DCAF1: variants seen among roughly 807,000 people sequenced by gnomAD.
DCAF1 encodes the protein DDB1- and CUL4-associated factor 1.
In DCAF1, 15 loss-of-function variants were observed where a neutral mutation model predicts 128.0. The ratio of observed to expected loss-of-function variants is 0.12; its 90% CI spans 0.08 to 0.18. DCAF1 has a LOEUF of 0.18. Among genes scored for constraint, DCAF1 ranks in the 10% least tolerant of loss-of-function variants. The probability of loss-of-function intolerance (pLI) is 1.00; values close to 1 mark genes in which losing one functional copy is unlikely to be tolerated. For missense variants in DCAF1, 988 were observed against 1,649.5 expected (o/e 0.60, Z 6.95); for synonymous variants, 610 against 603.0 (o/e 1.01, Z -0.17).
At chr3:51,497,847 G>A (rs571005200) in intron 1 of DCAF1, among the ~76,000 whole-genome samples, 15 of 151,820 alleles carry the variant, frequency 9.9e-5, no homozygotes, top group Admixed American at 2.6e-4. Flanking sequence ...GATGACACTC[G>A]AGACCATCAT....
chr3:51,416,263 G>A (rs1356694312), intron 18 of DCAF1, among the ~76,000 whole-genome samples: 2 of 152,094 alleles, frequency 1.3e-5, no homozygotes, highest in South Asian at 4.1e-4. Context: ...CCCAAGCAAG[G>A]GCTTTTCCCT....
chr3:51,474,210 G>C (rs776422780), intron 3 of DCAF1, among the ~76,000 whole-genome samples: 1 of 152,160 alleles, frequency 6.6e-6, no homozygotes, highest in Non-Finnish European at 1.5e-5. Flanking sequence ...CCTGAGGTTG[G>C]GAGTTCGAAA....
chr3:51,452,945 G>T (rs1553641838), intron 6 of DCAF1, among the ~76,000 whole-genome samples: 1 of 150,300 alleles, frequency 6.7e-6, no homozygotes, highest in African/African-American at 2.5e-5. Context: ...GAACCCAGGA[G>T]GTGGAGGTTG....
intron 2 of DCAF1, among the ~76,000 whole-genome samples, chr3:51,490,163 C>T (rs1200766871): frequency 6.6e-6 from 1 of 152,134 alleles, no homozygotes; most frequent in Non-Finnish European, 1.5e-5. Context: ...ACCTGTTAAT[C>T]CCAGAACTTT....
chr3:51,458,880 A>G (rs566127189), intron 6 of DCAF1, among the ~76,000 whole-genome samples: 2 of 152,114 alleles, frequency 1.3e-5, no homozygotes, highest in Non-Finnish European at 2.9e-5. Flanking sequence ...AACAAAGACA[A>G]AACATACCAG....
chr3:51,412,336 A>G (rs782414969), intron 23 of DCAF1, 43 bp downstream of exon 23: 1 of 1,612,494 alleles, frequency 6.2e-7, no homozygotes, highest in East Asian at 2.2e-5. Context: ...CATAACCTCT[A>G]TTAAGCACTG....
chr3:51,483,665 T>G, intron 3 of DCAF1, 54 bp downstream of exon 3: 29 of 1,094,912 alleles, frequency 2.6e-5, no homozygotes, highest in Non-Finnish European at 3.7e-5. Context: ...ATCTAGCGTA[T>G]GAGTTGTGTC....
intron 6 of DCAF1, among the ~76,000 whole-genome samples, chr3:51,462,496 A>G (rs1476116474): frequency 1.3e-5 from 2 of 152,188 alleles, no homozygotes; most frequent in Non-Finnish European, 2.9e-5. Context: ...CTGTAATGCC[A>G]GCACTTTGGG....
At chr3:51,424,205 G>A (rs1339565570) in intron 13 of DCAF1, among the ~76,000 whole-genome samples, 1 of 152,002 alleles carries the variant, frequency 6.6e-6, no homozygotes, top group East Asian at 1.9e-4. Flanking sequence ...TTCAAGACCA[G>A]CCTGGCCAAT....
In DCAF1 at chr3:51,414,949, AACAC is replaced by A. The variant is rs1399485386; in HGVS notation, c.3604-96_3604-93del. 2.7e-6 allele frequency: 4 copies of A among 1,477,620 alleles called. No individual in the cohort carries two copies. The African/African-American group carries it at 5.6e-5, about 21-fold the overall frequency. The allele number at this position is 1,477,620 out of a possible 1,614,324, so 91.5% of individuals were successfully genotyped here. A position where few individuals can be genotyped will look rare whatever the true frequency, so the allele number is the denominator to read the frequency against. On this transcript the variant is annotated intron_variant, in intron 18 of 24. Transcript: ENST00000684031. ...AATGTGCAAAGCAGTTTCTAAAATT[AACAC>A]ACAAATTCTCCACATGGATCAATGA...
chr3:51,494,406 G>A (rs888142581), intron 2 of DCAF1, among the ~76,000 whole-genome samples: 23 of 151,974 alleles, frequency 1.5e-4, no homozygotes, highest in South Asian at 4.1e-4. Context: ...GAGCCACCGC[G>A]CCCGGCCGAG....
At chr3:51,496,274 A>C (rs1260504370) in intron 2 of DCAF1, among the ~76,000 whole-genome samples, 2 of 152,142 alleles carry the variant, frequency 1.3e-5, no homozygotes, top group Non-Finnish European at 2.9e-5. Context: ...AAATACCAAC[A>C]AAATTAGCCA....
chr3:51,491,040 G>GAAAAAAA (rs56102341), intron 2 of DCAF1, among the ~76,000 whole-genome samples: 1 of 128,282 alleles, frequency 7.8e-6, no homozygotes. Context: ...AACAATCTTG[G>GAAAAAAA]AAAAAAAAAA....
chr3:51,481,114 T>A (rs1418087064), intron 3 of DCAF1, among the ~76,000 whole-genome samples: 4 of 152,170 alleles, frequency 2.6e-5, no homozygotes, highest in African/African-American at 9.6e-5. Flanking sequence ...TGAAAACAAC[T>A]TTTTATGCAT....
chr3:51,457,791 G>A (rs1703085824), intron 6 of DCAF1, among the ~76,000 whole-genome samples: 1 of 152,268 alleles, frequency 6.6e-6, no homozygotes, highest in South Asian at 2.1e-4. Context: ...TTTCAACCCA[G>A]AATCTCATAT....
Position 51,491,306 on chromosome 3 carries a change from C to A in DCAF1, c.-9+5428G>T, listed in dbSNP as rs187154406. On this transcript the variant is annotated intron_variant, in intron 2 of 24. Transcript: ENST00000684031. ...GAGGCTGCAGTGAGCCAAGATTGCGCCACTGCACTCCAGCAAGGCAACAGA... is the reference window on the plus strand; with the variant it reads ...GAGGCTGCAGTGAGCCAAGATTGCGACACTGCACTCCAGCAAGGCAACAGA... 3.9e-3 allele frequency among the ~76,000 whole-genome samples: 595 copies of A among 151,266 alleles called. 19 individuals are homozygous for A. Among genetic ancestry groups the A allele is most frequent in the Admixed American group, 0.035 (527 of 15,158 alleles).
At chr3:51,432,736 G>C (rs1287783743) in intron 10 of DCAF1, among the ~76,000 whole-genome samples, 1 of 152,170 alleles carries the variant, frequency 6.6e-6, no homozygotes, top group African/African-American at 2.4e-5. Flanking sequence ...TGTGATTACA[G>C]GCGTGAGCCA....
intron 5 of DCAF1, 55 bp downstream of exon 5, chr3:51,466,748 A>C: frequency 6.4e-7 from 1 of 1,566,166 alleles, no homozygotes; most frequent in Non-Finnish European, 8.8e-7. Context: ...AAAAACAATA[A>C]AGATACAGCA....
intron 8 of DCAF1, 49 bp from the exon 9 acceptor site, chr3:51,441,120 G>A (rs781862236): frequency 8.7e-6 from 13 of 1,493,188 alleles, no homozygotes; most frequent in African/African-American, 2.8e-5. Flanking sequence ...TTATTGTCAT[G>A]TATTTCCTAT....
Sources: gnomAD v4.1 joint callset for allele counts (sites outside exome capture counted in the v4.1 genomes callset) on GRCh38, gnomAD v4.1.1 for gene constraint, MANE v1.5 for transcripts, NCBI Gene and HGNC (gene_info 2026-07-23, HGNC 2026-07-21) for gene names.